Variants in ATP2B2 observed in about 807,000 individuals in gnomAD.
ATP2B2 encodes the protein plasma membrane calcium-transporting ATPase 2.
Under a neutral mutation model 120.0 loss-of-function variants are expected in ATP2B2, and 15 were observed. The ratio of observed to expected loss-of-function variants is 0.12; its 90% CI spans 0.08 to 0.19. The LOEUF is 0.19. Among genes scored for constraint, ATP2B2 ranks in the 10% least tolerant of loss-of-function variants. The pLI is 1.00. For missense variants in ATP2B2, 1,045 were observed against 1,719.8 expected (o/e 0.61, Z 6.94); for synonymous variants, 694 against 700.3 (o/e 0.99, Z 0.14).
In ATP2B2 at chr3:10,495,705, C is replaced by G. The variant is rs1470683313; in HGVS notation, c.-320+9760G>C. ...ACAGCCCTGGGTCCCAGTGCCAGGT[C>G]TCGCTTAATTTTATTGCTACTCCCT... is the stretch of plus-strand genomic sequence containing the variant. On this transcript the variant is annotated intron_variant, in intron 1 of 22. Transcript: ENST00000360273. 2.0e-5 allele frequency among the ~76,000 whole-genome samples: 3 copies of G among 152,198 alleles called. No individual in the cohort carries two copies. In the East Asian group the frequency reaches 5.8e-4, roughly 29 times the overall value.
chr3:10,543,208 A>C (rs912859288), intron 2 of ATP2B2, among the ~76,000 whole-genome samples: 2 of 152,210 alleles, frequency 1.3e-5, no homozygotes, highest in Non-Finnish European at 2.9e-5. Context: ...TTTGAACCTG[A>C]ACTTGGACTT....
chr3:10,367,076 C>T (rs1407174664), intron 12 of ATP2B2, among the ~76,000 whole-genome samples: 2 of 152,218 alleles, frequency 1.3e-5, no homozygotes, highest in African/African-American at 4.8e-5. Context: ...GGTGGTTCTT[C>T]TGAGCGCTGG....
At chr3:10,668,317 T>C (rs1386992484) in intron 1 of ATP2B2, among the ~76,000 whole-genome samples, 2 of 152,212 alleles carry the variant, frequency 1.3e-5, no homozygotes, top group African/African-American at 4.8e-5. Flanking sequence ...GCTTGAGAAT[T>C]AGAGTTGGGA....
At chr3:10,482,925 T>C (rs2065471998) in intron 1 of ATP2B2, among the ~76,000 whole-genome samples, 1 of 152,208 alleles carries the variant, frequency 6.6e-6, no homozygotes, top group African/African-American at 2.4e-5. Context: ...GGGGAAGCAA[T>C]GCTTCCTCCC....
intron 22 of ATP2B2, among the ~76,000 whole-genome samples, chr3:10,334,822 T>C (rs2060074424): frequency 1.3e-5 from 2 of 150,782 alleles, no homozygotes; most frequent in East Asian, 4.0e-4. Context: ...GCAGGGGTTG[T>C]GTTGTGGGTG....
At chr3:10,475,853 G>T (rs1427825115) in intron 1 of ATP2B2, among the ~76,000 whole-genome samples, 1 of 152,196 alleles carries the variant, frequency 6.6e-6, no homozygotes, top group Non-Finnish European at 1.5e-5. Flanking sequence ...TGAGCCTTGA[G>T]TTGGATGCTG....
intron 1 of ATP2B2, among the ~76,000 whole-genome samples, chr3:10,677,346 T>C (rs189450753): frequency 7.2e-5 from 11 of 152,156 alleles, no homozygotes; most frequent in African/African-American, 2.6e-4. Context: ...TCTATGACAC[T>C]CTGGAAAAGG....
chr3:10,471,185 A>C lies in ATP2B2; in HGVS notation c.-319-21323T>G, dbSNP rs374992119. On this transcript the variant is annotated intron_variant, in intron 1 of 22. Coordinates refer to ENST00000360273, the MANE Select transcript of ATP2B2 (RefSeq NM_001001331.4). ...GCTCAGAAGCCTCCTCCCTGCCCCC[A>C]GCACAGTGTCTCCAGCGCGCGGCTG... 1.3e-4 allele frequency among the ~76,000 whole-genome samples: 20 copies of C among 152,298 alleles called. 3 individuals are homozygous for C. In the South Asian group the frequency reaches 3.9e-3, roughly 30 times the overall value.
intron 1 of ATP2B2, among the ~76,000 whole-genome samples, chr3:10,452,182 T>C (rs768482969): frequency 1.3e-4 from 19 of 151,832 alleles, no homozygotes; most frequent in Admixed American, 5.2e-4. Context: ...TGCCACGGAG[T>C]GGAAGATCTT....
At chr3:10,594,574 G>T (rs11715485) in intron 2 of ATP2B2, among the ~76,000 whole-genome samples, 56,562 of 126,096 alleles carry the variant, frequency 0.45, 13,500 homozygotes, top group Middle Eastern at 0.6. Flanking sequence ...TTGTGGGGTG[G>T]GGGGAGGGGG....
intron 1 of ATP2B2, among the ~76,000 whole-genome samples, chr3:10,643,964 C>T (rs1007575947): frequency 6.6e-6 from 1 of 152,138 alleles, no homozygotes; most frequent in African/African-American, 2.4e-5. Flanking sequence ...CATGAAAGGA[C>T]ATTGTCAAGA....
chr3:10,364,811 C>T (rs922915759), intron 12 of ATP2B2, among the ~76,000 whole-genome samples: 2 of 152,188 alleles, frequency 1.3e-5, no homozygotes, highest in African/African-American at 2.4e-5. Context: ...GATGATTTTT[C>T]TAAGAGGCCA....
chr3:10,371,224 C>T (rs1401888740), intron 12 of ATP2B2, among the ~76,000 whole-genome samples: 2 of 152,228 alleles, frequency 1.3e-5, no homozygotes, highest in African/African-American at 4.8e-5. Context: ...CACTTCTGTC[C>T]TCTCTCAAAG....
At chr3:10,676,920 G>A (rs1402371690) in intron 1 of ATP2B2, among the ~76,000 whole-genome samples, 1 of 152,200 alleles carries the variant, frequency 6.6e-6, no homozygotes, top group Non-Finnish European at 1.5e-5. Flanking sequence ...CCAAATGCTG[G>A]TGAGGAGGTA....
In ATP2B2 at chr3:10,378,617, G is replaced by A. The variant is rs56275389; in HGVS notation, c.1043-207C>T. ...GGAGCTATGGATCCCAGTGGTACTC[G>A]CTGCCTCAGACCTGGAATCTGGGAC... On this transcript the variant is annotated intron_variant, in intron 9 of 22. Transcript: ENST00000360273. Among the ~76,000 whole-genome samples the A allele has an allele frequency of 0.24, 36,895 of 152,080 alleles. 4,587 individuals are homozygous for A. The highest frequency in any genetic ancestry group is 0.37 in the East Asian group (1,915 of 5,162).
intron 2 of ATP2B2, among the ~76,000 whole-genome samples, chr3:10,589,327 T>G (rs559990187): frequency 6.4e-4 from 98 of 152,114 alleles, no homozygotes; most frequent in Non-Finnish European, 4.4e-5. Flanking sequence ...TTAGTAAACT[T>G]TTGTTGAGTG....
intron 1 of ATP2B2, among the ~76,000 whole-genome samples, chr3:10,497,406 A>G (rs2066196043): frequency 2.0e-5 from 3 of 152,254 alleles, no homozygotes; most frequent in Admixed American, 2.0e-4. Flanking sequence ...TTTCTCAGCT[A>G]TAAAGCAAGT....
chr3:10,637,438 C>T (rs2070051517), intron 1 of ATP2B2, among the ~76,000 whole-genome samples: 1 of 152,076 alleles, frequency 6.6e-6, no homozygotes, highest in South Asian at 2.1e-4. Context: ...AAAGTTAAGA[C>T]ATAGAAGATA....
chr3:10,486,051 G>A (rs894021699), intron 1 of ATP2B2, among the ~76,000 whole-genome samples: 5 of 152,186 alleles, frequency 3.3e-5, no homozygotes, highest in Admixed American at 1.3e-4. Context: ...GTCAGGTGCC[G>A]GGACTCAGGC....
Sources: gnomAD v4.1 joint callset for allele counts (sites outside exome capture counted in the v4.1 genomes callset) on GRCh38, gnomAD v4.1.1 for gene constraint, MANE v1.5 for transcripts, NCBI Gene and HGNC (gene_info 2026-07-23, HGNC 2026-07-21) for gene names.